Variants in KCND2 observed in about 807,000 individuals in gnomAD.
KCND2 encodes the protein A-type voltage-gated potassium channel KCND2.
A neutral mutation model predicts 54.4 loss-of-function variants in KCND2; 16 were observed. That is an observed-to-expected ratio of 0.29 (90% CI 0.20 to 0.45). The LOEUF is 0.45. KCND2 is among the 20% of genes least tolerant of loss of function. The pLI, the probability that KCND2 is intolerant of heterozygous loss-of-function variation, is 1.00. For missense variants in KCND2, 486 were observed against 824.2 expected, an observed-to-expected ratio of 0.59 and a Z score of 5.02; for synonymous variants, 317 against 310.7, an observed-to-expected ratio of 1.02 and a Z score of -0.21.
At chr7:120,473,424 G>A (rs1802488793) in intron 1 of KCND2, among the ~76,000 whole-genome samples, 1 of 152,098 alleles carries the variant, frequency 6.6e-6, no homozygotes, top group Non-Finnish European at 1.5e-5. Flanking sequence ...CTGACTGAAG[G>A]GGTTTCCTCC....
intron 1 of KCND2, among the ~76,000 whole-genome samples, chr7:120,413,862 G>A (rs1157757177): frequency 6.6e-6 from 1 of 151,376 alleles, no homozygotes; most frequent in East Asian, 1.9e-4. Context: ...CAATGTTTCC[G>A]AGATGCTTTT....
intron 1 of KCND2, among the ~76,000 whole-genome samples, chr7:120,658,572 C>T (rs1347501470): frequency 1.3e-5 from 2 of 152,140 alleles, no homozygotes; most frequent in Admixed American, 1.3e-4. Context: ...TCCACCATTA[C>T]TGTTTTCCAT....
intron 1 of KCND2, among the ~76,000 whole-genome samples, chr7:120,297,129 CGTACATT>C (rs1301992284): frequency 6.6e-6 from 1 of 151,974 alleles, no homozygotes; most frequent in Admixed American, 6.6e-5. Flanking sequence ...ACCCACATCA[CGTACATT>C]GTATCTATTA....
rs182019433 is a variant in KCND2, at chr7:120,651,425, A to C, written c.1116-81478A>C. On this transcript the variant is annotated intron_variant, in intron 1 of 5. Coordinates refer to ENST00000331113, the MANE Select transcript of KCND2 (RefSeq NM_012281.3). Reference sequence around the variant, plus strand: ...TGGGACTCTCCCAGCCATGCACGGGATATAATCTCCTGGTGTGCTGTTTGC... The same window carrying C: ...TGGGACTCTCCCAGCCATGCACGGGCTATAATCTCCTGGTGTGCTGTTTGC... Among the ~76,000 whole-genome samples the C allele has an allele frequency of 2.0e-5, 3 of 152,238 alleles. No homozygotes were observed. In the East Asian group the frequency reaches 5.8e-4, roughly 29 times the overall value.
intron 1 of KCND2, among the ~76,000 whole-genome samples, chr7:120,653,200 CA>C (rs1162692892): frequency 2.3e-4 from 32 of 138,114 alleles, no homozygotes; most frequent in African/African-American, 9.0e-4. Flanking sequence ...TGCCTGGCTA[CA>C]TTTTTTTTTT....
At chr7:120,739,546 G>T (rs949476451) in intron 2 of KCND2, among the ~76,000 whole-genome samples, 1 of 151,850 alleles carries the variant, frequency 6.6e-6, no homozygotes, top group Non-Finnish European at 1.5e-5. Context: ...TTCCAACAAA[G>T]AATGAAATTT....
chr7:120,493,620 C>T (rs1312534751), intron 1 of KCND2, among the ~76,000 whole-genome samples: 2 of 151,984 alleles, frequency 1.3e-5, no homozygotes, highest in Admixed American at 1.3e-4. Context: ...TAAAATGATG[C>T]TCAACATTAT....
At chr7:120,739,269 A>C (rs1390286829) in intron 2 of KCND2, among the ~76,000 whole-genome samples, 1 of 152,034 alleles carries the variant, frequency 6.6e-6, no homozygotes, top group Non-Finnish European at 1.5e-5. Flanking sequence ...GTAGAAAGGC[A>C]ATGAATGTTC....
In KCND2 at chr7:120,733,039, C is replaced by T. The variant is rs748699001; in HGVS notation, c.1252C>T (p.Arg418Ter). Residue 418 changes from arginine to a stop codon, truncating the protein, a stop_gained, in exon 2 of 6, where the codon CGA (arginine) becomes TGA (stop). Transcript: ENST00000331113. LOFTEE classifies it high-confidence loss of function. ...CAGTCGCATCTACCACCAGAATCAA[C>T]GAGCAGACAAACGAAGGGCACAAAA... The part of the protein sequence containing the change: ...NFSRIYHQNQ[R>*]ADKRRAQKKA... 2 of 1,613,542 alleles carry T rather than the reference C, an allele frequency of 1.2e-6. No homozygotes were observed. Among genetic ancestry groups the T allele is most frequent in the Admixed American group, 1.7e-5 (1 of 59,948 alleles).
intron 1 of KCND2, among the ~76,000 whole-genome samples, chr7:120,637,055 C>T (rs1793313985): frequency 6.6e-6 from 1 of 152,058 alleles, no homozygotes; most frequent in African/African-American, 2.4e-5. Flanking sequence ...AACAGGCATA[C>T]ATTGTGTACC....
At chr7:120,532,412 A>G (rs1215551972) in intron 1 of KCND2, among the ~76,000 whole-genome samples, 3 of 151,844 alleles carry the variant, frequency 2.0e-5, no homozygotes, top group African/African-American at 7.2e-5. Flanking sequence ...ATTATTTTAT[A>G]TATCCTAATA....
At chr7:120,506,549 C>T (rs1333783512) in intron 1 of KCND2, among the ~76,000 whole-genome samples, 1 of 151,840 alleles carries the variant, frequency 6.6e-6, no homozygotes, top group Non-Finnish European at 1.5e-5. Flanking sequence ...TTTTGAGACC[C>T]TATTCATTAG....
chr7:120,682,620 A>G (rs979784070), intron 1 of KCND2, among the ~76,000 whole-genome samples: 1 of 152,158 alleles, frequency 6.6e-6, no homozygotes, highest in African/African-American at 2.4e-5. Context: ...GTCTTTCTGT[A>G]CTGCAACATT....
chr7:120,294,421 A>G (rs544604089), intron 1 of KCND2, among the ~76,000 whole-genome samples: 25 of 151,990 alleles, frequency 1.6e-4, no homozygotes, highest in African/African-American at 5.8e-4. Flanking sequence ...ATGGCTAAAC[A>G]CTATTTTTAA....
At chr7:120,468,145 A>G (rs765602491) in intron 1 of KCND2, among the ~76,000 whole-genome samples, 1 of 152,080 alleles carries the variant, frequency 6.6e-6, no homozygotes, top group Non-Finnish European at 1.5e-5. Context: ...AGTAATTGGG[A>G]TGTGAAAAAT....
chr7:120,486,422 A>T (rs1802694282), intron 1 of KCND2, among the ~76,000 whole-genome samples: 1 of 152,144 alleles, frequency 6.6e-6, no homozygotes, highest in Non-Finnish European at 1.5e-5. Flanking sequence ...GTAGCTACCA[A>T]ATTCCTGTGA....
intron 1 of KCND2, among the ~76,000 whole-genome samples, chr7:120,289,413 A>G (rs1799402642): frequency 6.6e-6 from 1 of 152,128 alleles, no homozygotes; most frequent in African/African-American, 2.4e-5. Context: ...AACAAAATCA[A>G]GCAAACACTT....
At chr7:120,607,610 T>G (rs1466141249) in intron 1 of KCND2, among the ~76,000 whole-genome samples, 3 of 152,126 alleles carry the variant, frequency 2.0e-5, no homozygotes, top group Non-Finnish European at 4.4e-5. Context: ...TCAAAATTAA[T>G]AAATACAGAT....
chr7:120,419,013 C>A (rs1294747307), intron 1 of KCND2, among the ~76,000 whole-genome samples: 1 of 152,106 alleles, frequency 6.6e-6, no homozygotes, highest in African/African-American at 2.4e-5. Flanking sequence ...TTACCCAAAT[C>A]CTCTGTTGAT....
Sources: allele counts gnomAD v4.1 joint callset (sites outside exome capture counted in the v4.1 genomes callset), GRCh38; gene constraint gnomAD v4.1.1; transcripts MANE v1.5; gene names NCBI Gene and HGNC (gene_info 2026-07-23, HGNC 2026-07-21).